Variants in NTM observed in about 807,000 individuals in gnomAD.
The protein encoded by NTM is neurotrimin, also known as IgLON family member 2.
A neutral mutation model predicts 42.1 loss-of-function variants in NTM; 13 were observed. The observed-to-expected ratio is 0.31, with a 90% CI of 0.20 to 0.49. The LOEUF (loss-of-function observed/expected upper bound fraction) is 0.49. NTM is among the 20% of genes least tolerant of loss of function. The pLI is 0.99. For synonymous variants in NTM, 187 were observed against 179.2 expected (o/e 1.04, Z -0.35); for missense variants, 373 against 452.8 (o/e 0.82, Z 1.60).
At chr11:132,303,713 A>C (rs1366542943) in intron 4 of NTM, among the ~76,000 whole-genome samples, 2 of 7,834 alleles carry the variant, frequency 2.6e-4, no homozygotes, top group Non-Finnish European at 4.9e-4. Context: ...TCTAGGTGAC[A>C]AAAAAAAAAA....
intron 1 of NTM, among the ~76,000 whole-genome samples, chr11:131,870,925 A>G (rs1450239173): frequency 1.3e-5 from 2 of 152,196 alleles, no homozygotes; most frequent in African/African-American, 4.8e-5. Context: ...CTGCTATAGT[A>G]GGTGTAGCAG....
chr11:131,867,270 T>G (rs2047314734), intron 1 of NTM, among the ~76,000 whole-genome samples: 1 of 152,054 alleles, frequency 6.6e-6, no homozygotes. Context: ...AGTGGGGAAG[T>G]TGGAAGGATC....
intron 2 of NTM, among the ~76,000 whole-genome samples, chr11:132,117,384 C>T (rs2136867825): frequency 6.6e-6 from 1 of 152,320 alleles, no homozygotes; most frequent in East Asian, 1.9e-4. Flanking sequence ...AGTCTGTGCC[C>T]CACCTTGCTT....
intron 1 of NTM, among the ~76,000 whole-genome samples, chr11:131,623,427 C>T (rs1592263384): frequency 6.6e-6 from 1 of 152,250 alleles, no homozygotes; most frequent in Admixed American, 6.5e-5. Flanking sequence ...AAGCCCTTGG[C>T]TCAAGTCCGA....
At chr11:132,137,378 A>G (rs1351892274) in intron 2 of NTM, among the ~76,000 whole-genome samples, 2 of 152,196 alleles carry the variant, frequency 1.3e-5, no homozygotes, top group African/African-American at 4.8e-5. Flanking sequence ...AGACAAGCTC[A>G]AGTGTGCTAC....
chr11:131,387,092 C>T (rs894820607), intron 1 of NTM, among the ~76,000 whole-genome samples: 1 of 152,178 alleles, frequency 6.6e-6, no homozygotes, highest in African/African-American at 2.4e-5. Context: ...TTTCCCCGAG[C>T]CCTTATTTTC....
intron 1 of NTM, among the ~76,000 whole-genome samples, chr11:131,852,856 A>C (rs1313624506): frequency 6.7e-6 from 1 of 148,226 alleles, no homozygotes; most frequent in Non-Finnish European, 1.5e-5. Flanking sequence ...CCACCCATCC[A>C]TCTATCCATC....
chr11:131,561,399 A>G (rs1345208939), intron 1 of NTM, among the ~76,000 whole-genome samples: 3 of 152,252 alleles, frequency 2.0e-5, no homozygotes, highest in African/African-American at 7.2e-5. Flanking sequence ...TTTCCATTCA[A>G]AAATTTCCAA....
At chr11:131,990,028 T>G (rs527343170) in intron 2 of NTM, among the ~76,000 whole-genome samples, 25 of 152,306 alleles carry the variant, frequency 1.6e-4, no homozygotes, top group African/African-American at 4.8e-4. Context: ...TGTTATTATA[T>G]GTAGCTGGAA....
intron 2 of NTM, among the ~76,000 whole-genome samples, chr11:131,979,384 G>A (rs189565866): frequency 4.3e-4 from 66 of 152,272 alleles, no homozygotes; most frequent in African/African-American, 1.3e-3. Flanking sequence ...AACAATTGGC[G>A]TAGTAATTTC....
chr11:131,699,880 G>A (rs2075881981), intron 1 of NTM, among the ~76,000 whole-genome samples: 1 of 151,120 alleles, frequency 6.6e-6, no homozygotes, highest in South Asian at 2.1e-4. Context: ...TGGGGACACA[G>A]TCAAACCATA....
chr11:131,929,937 A>G (rs1056844645), intron 2 of NTM, among the ~76,000 whole-genome samples: 2 of 152,222 alleles, frequency 1.3e-5, no homozygotes, highest in Non-Finnish European at 2.9e-5. Context: ...CAAAGAGGCT[A>G]TAAGCTTCTA....
chr11:132,323,446 G>A (rs1469973725), intron 7 of NTM, among the ~76,000 whole-genome samples: 214 of 151,380 alleles, frequency 1.4e-3, no homozygotes, highest in Non-Finnish European at 2.0e-3. Context: ...TAAATTCCTC[G>A]ACACATACAC....
intron 2 of NTM, among the ~76,000 whole-genome samples, chr11:131,987,421 A>ATTCTATTCTATTCTATTCTG (rs1555206564): frequency 1.0e-4 from 14 of 139,490 alleles, no homozygotes; most frequent in Admixed American, 9.3e-4. Flanking sequence ...ATTCTATTCT[A>ATTCTATTCTATTCTATTCTG]TTCTATTCTA....
At chr11:131,401,830 A>ATATATGTG (rs1555101790) in intron 1 of NTM, among the ~76,000 whole-genome samples, 2 of 65,328 alleles carry the variant, frequency 3.1e-5, no homozygotes, top group East Asian at 5.2e-4. Flanking sequence ...ATATATATAT[A>ATATATGTG]TATATATATA....
chr11:131,926,500 T>G (rs1226850897), intron 2 of NTM, among the ~76,000 whole-genome samples: 1 of 151,768 alleles, frequency 6.6e-6, no homozygotes, highest in Non-Finnish European at 1.5e-5. Context: ...GCAAGTGGAA[T>G]GACCTAGTCA....
intron 2 of NTM, among the ~76,000 whole-genome samples, chr11:132,087,563 A>G (rs771793534): frequency 1.1e-4 from 17 of 152,026 alleles, no homozygotes; most frequent in Non-Finnish European, 2.1e-4. Context: ...ACTGGCTGCT[A>G]CCTCCTTATC....
intron 3 of NTM, among the ~76,000 whole-genome samples, chr11:132,160,989 A>T (rs2074146757): frequency 6.6e-6 from 1 of 152,214 alleles, no homozygotes; most frequent in African/African-American, 2.4e-5. Flanking sequence ...GAAGGAGCCA[A>T]GTTAGGGGAG....
intron 1 of NTM, among the ~76,000 whole-genome samples, chr11:131,590,112 A>C (rs925755542): frequency 5.3e-5 from 8 of 152,192 alleles, no homozygotes; most frequent in Admixed American, 5.2e-4. Flanking sequence ...CCCTGCACCC[A>C]GCCCTCGACC....
Sources: gnomAD v4.1 joint callset for allele counts (sites outside exome capture counted in the v4.1 genomes callset) on GRCh38, gnomAD v4.1.1 for gene constraint, MANE v1.5 for transcripts, NCBI Gene and HGNC (gene_info 2026-07-23, HGNC 2026-07-21) for gene names.